The following KIF1C variants were observed in gnomAD, a reference collection of about 807,000 sequenced individuals.
KIF1C encodes the protein kinesin family member 1C.
A neutral mutation model predicts 126.5 loss-of-function variants in KIF1C; 61 were observed. The ratio of observed to expected loss-of-function variants is 0.48; its 90% CI spans 0.39 to 0.60. KIF1C has a LOEUF of 0.60. KIF1C is among the 20% of genes least tolerant of loss of function. The pLI, the probability that KIF1C is intolerant of heterozygous loss-of-function variation, is 0.00. For missense variants in KIF1C, 1,315 were observed against 1,489.2 expected (o/e 0.88, Z 1.93); for synonymous variants, 640 against 580.6 (o/e 1.10, Z -1.47).
At position 5,022,235 on chromosome 17, in the gene KIF1C, GCGCAGGGCCCC is replaced by G; in HGVS notation, c.2155_2165del (p.Arg719SerfsTer24). The G allele has an allele frequency of 6.2e-7, 1 of 1,614,186 alleles. No homozygotes were observed. Among genetic ancestry groups the G allele is most frequent in the Non-Finnish European group, 8.5e-7 (1 of 1,180,042 alleles). ...GCTGTGGTCTGCCCAGCAGTGGCAAGCGCAGGGCCCCTCGCAGGGTTTATCAGATCCCCCAG... is the reference window on the plus strand; with the variant it reads ...GCTGTGGTCTGCCCAGCAGTGGCAAGTCGCAGGGTTTATCAGATCCCCCAG... On this transcript the variant is annotated frameshift_variant, in exon 22 of 23. Transcript: ENST00000320785. LOFTEE classifies it high-confidence loss of function. This position sits in a 1 kb window ranked among gnomAD's most constrained non-coding sequence, Gnocchi z 4.9.
rs888917652 is a variant in KIF1C at position 5,000,192 on chromosome 17, C to G, written c.-27-28C>G. The G allele has an allele frequency of 5.6e-5, 75 of 1,335,026 alleles. 1 individual carries two copies. In the South Asian group the frequency reaches 9.3e-4, roughly 17 times the overall value. The allele number at this position is 1,335,026 out of a possible 1,614,324, so 82.7% of individuals were successfully genotyped here. A position where few individuals can be genotyped will look rare whatever the true frequency, so the allele number is the denominator to read the frequency against. ...GTCTGGGTCCCTGCAGTGGTTCTGACCCCACCACTCCTTTCTCTGTCCTCC... is the reference window on the plus strand; with the variant it reads ...GTCTGGGTCCCTGCAGTGGTTCTGAGCCCACCACTCCTTTCTCTGTCCTCC... On this transcript the variant is annotated intron_variant, in intron 2 of 22. Coordinates refer to ENST00000320785, the MANE Select transcript of KIF1C (RefSeq NM_006612.6).
chr17:5,008,060 A>G (rs1051927448), intron 16 of KIF1C, among the ~76,000 whole-genome samples: 17 of 152,104 alleles, frequency 1.1e-4, no homozygotes, highest in African/African-American at 3.4e-4. Flanking sequence ...GATGGACAGG[A>G]CTTGGGAAGT....
intron 16 of KIF1C, among the ~76,000 whole-genome samples, chr17:5,009,056 A>G (rs2143338278): frequency 6.6e-6 from 1 of 152,018 alleles, no homozygotes; most frequent in African/African-American, 2.4e-5. Context: ...GAACATTCTA[A>G]TAGTTCTAAA....
intron 13 of KIF1C, 52 bp downstream of exon 13, chr17:5,005,052 C>T: frequency 6.2e-7 from 1 of 1,610,462 alleles, no homozygotes; most frequent in Non-Finnish European, 8.5e-7. Flanking sequence ...CCCACCCCAT[C>T]CCTCCTCACT....
Position 5,020,801 on chromosome 17 carries a change from C to A in KIF1C, c.1938-5C>A. 1.3e-6 allele frequency: 2 copies of A among 1,596,368 alleles called. No individual in the cohort carries two copies. The highest frequency in any genetic ancestry group is 1.7e-6 in the Non-Finnish European group (2 of 1,171,046). On this transcript the variant is annotated splice_region_variant and splice_polypyrimidine_tract_variant and intron_variant, in intron 20 of 22. Transcript: ENST00000320785. The surrounding 1 kb of genome is among the most constrained non-coding windows in gnomAD (Gnocchi z 5.8). ...GCTCTTCCTTCCCTCCCTGTCCAAT[C>A]CCAGGCTGCAGGATCTGGAGAATCA...
chr17:5,018,058 G>A (rs1354364445), intron 18 of KIF1C, among the ~76,000 whole-genome samples: 1 of 152,056 alleles, frequency 6.6e-6, no homozygotes, highest in Admixed American at 6.6e-5. Context: ...ATGGTTCACT[G>A]TAGCCTCAAC....
chr17:5,024,408 G>A lies in KIF1C; in HGVS notation c.*257G>A. On this transcript the variant is annotated 3_prime_UTR_variant, in exon 23 of 23. Coordinates refer to ENST00000320785, the MANE Select transcript of KIF1C (RefSeq NM_006612.6). ...CGGGGCCACCCCTTGCAAAGGGGGT[G>A]TGTCCCACAAACGCTGCTATGGGTG... The A allele has an allele frequency of 2.5e-6, 1 of 406,090 alleles. No individual in the cohort carries two copies. Among genetic ancestry groups the A allele is most frequent in the Non-Finnish European group, 4.4e-6 (1 of 227,994 alleles). 25.2% of individuals were successfully genotyped at this position (406,090 alleles called of 1,614,324 possible).
intron 18 of KIF1C, among the ~76,000 whole-genome samples, chr17:5,018,209 G>A (rs536589768): frequency 7.2e-5 from 11 of 151,826 alleles, no homozygotes; most frequent in Non-Finnish European, 1.6e-4. Context: ...TCAAAGTCCT[G>A]AGCTCAAGCA....
chr17:5,000,193 C>T, intron 2 of KIF1C, 27 bp from the exon 3 acceptor site: 2 of 1,329,358 alleles, frequency 1.5e-6, no homozygotes, highest in Non-Finnish European at 2.1e-6. Context: ...TGGTTCTGAC[C>T]CCACCACTCC....
In KIF1C at chr17:5,023,991, A is replaced by C. The variant is rs1975152401; in HGVS notation, c.3152A>C (p.Gln1051Pro). 2 of 1,598,444 alleles carry C rather than the reference A, an allele frequency of 1.3e-6. No homozygotes were observed. Among genetic ancestry groups the C allele is most frequent in the African/African-American group, 1.3e-5 (1 of 74,398 alleles). ...RGAGSAQPEP[Q>P]HFQPKKHNSY... Reference sequence around the variant, plus strand: ...GCGGGTTCTGCACAGCCTGAACCCCAGCACTTCCAGCCCAAAAAGCACAAC... The same window carrying C: ...GCGGGTTCTGCACAGCCTGAACCCCCGCACTTCCAGCCCAAAAAGCACAAC... The change falls in exon 23 of 23, where the codon CAG (glutamine) becomes CCG (proline). Residue 1051 changes from glutamine to proline, a missense_variant. Physicochemically the swap from Gln to Pro is moderately conservative, Grantham distance 76 (BLOSUM62 -1). Coordinates refer to ENST00000320785, the MANE Select transcript of KIF1C (RefSeq NM_006612.6). The surrounding 1 kb of genome is among the most constrained non-coding windows in gnomAD (Gnocchi z 4.2).
chr17:5,012,373 G>A (rs1440023353), intron 16 of KIF1C, among the ~76,000 whole-genome samples: 4 of 152,056 alleles, frequency 2.6e-5, no homozygotes, highest in Admixed American at 6.6e-5. Context: ...AGGTGGGGGC[G>A]GGGCGGGAGG....
intron 16 of KIF1C, chr17:5,011,787 C>T (rs766026643): frequency 2.6e-5 from 4 of 152,192 alleles, no homozygotes; most frequent in South Asian, 2.1e-4. Context: ...AATAGAGGTT[C>T]GACTCCGTGC....
chr17:5,022,616 G>A lies in KIF1C; in HGVS notation c.2535G>A (p.Gln845=), dbSNP rs748458277. The change falls in exon 22 of 23, where the codon CAG becomes CAA. Residue 845 remains glutamine (Q), a synonymous_variant. Transcript: ENST00000320785. The surrounding 1 kb of genome is among the most constrained non-coding windows in gnomAD (Gnocchi z 4.9). ...AHIDKLTGIL[Q]EVKLQNSSKD... ...TCGACAAGCTGACGGGGATTCTGCA[G>A]GAGGTGAAGCTGCAGAACAGCAGCA... is the stretch of plus-strand genomic sequence containing the variant. 1.7e-5 allele frequency: 27 copies of A among 1,607,392 alleles called. No individual in the cohort carries two copies. The South Asian group carries it at 3.0e-4, about 18-fold the overall frequency.
chr17:5,004,425 G>C, intron 11 of KIF1C, 142 bp from the exon 12 acceptor site: 1 of 746,396 alleles, frequency 1.3e-6, no homozygotes, highest in Admixed American at 2.1e-5. Flanking sequence ...GTCATGGTTA[G>C]CTCCACCCCG....
rs777782427 is a variant in KIF1C, at chr17:5,023,712, G to A, written c.2873G>A (p.Arg958Gln). 9 of 1,553,210 alleles carry A rather than the reference G, an allele frequency of 5.8e-6. No individual in the cohort carries two copies. Among genetic ancestry groups the A allele is most frequent in the Middle Eastern group, 1.7e-4 (1 of 5,770 alleles). The part of the protein sequence containing the change: ...RLQGLQGSGG[R>Q]GGGLRRPPAR... ...CAGGGACTGCAGGGCTCTGGGGGCC[G>A]GGGCGGGGGGCTGCGCAGGCCCCCA... The change falls in exon 23 of 23, where the codon CGG becomes CAG. Residue 958 changes from arginine (R) to glutamine (Q), a missense_variant. Around this residue, in one of 2 missense-constraint regions of KIF1C, gnomAD observed 441 missense variants for 436.1 expected, o/e 1.01. Coordinates refer to ENST00000320785, the MANE Select transcript of KIF1C (RefSeq NM_006612.6). This position sits in a 1 kb window ranked among gnomAD's most constrained non-coding sequence, Gnocchi z 4.2.
chr17:4,998,805 G>T (rs1974473358), intron 1 of KIF1C, among the ~76,000 whole-genome samples: 1 of 152,142 alleles, frequency 6.6e-6, no homozygotes, highest in Admixed American at 6.5e-5. Context: ...ACAGGAGGGG[G>T]CTCCGCATCC....
chr17:5,022,250 C>A lies in KIF1C; in HGVS notation c.2169C>A (p.Arg723=), dbSNP rs776160265. The A allele has an allele frequency of 2.5e-6, 4 of 1,614,044 alleles. No homozygotes were observed. Among genetic ancestry groups the A allele is most frequent in the Non-Finnish European group, 3.4e-6 (4 of 1,180,042 alleles). The change falls in exon 22 of 23, where the codon CGC becomes CGA. Residue 723 remains arginine, a synonymous_variant. Coordinates refer to ENST00000320785, the MANE Select transcript of KIF1C (RefSeq NM_006612.6). The surrounding 1 kb of genome is among the most constrained non-coding windows in gnomAD (Gnocchi z 4.9). ...GCAGTGGCAAGCGCAGGGCCCCTCG[C>A]AGGGTTTATCAGATCCCCCAGCGAC... The part of the protein sequence containing the change: ...LPSSGKRRAP[R]RVYQIPQRRR...
chr17:5,003,840 T>C lies in KIF1C; in HGVS notation c.799-11T>C. On this transcript the variant is annotated splice_polypyrimidine_tract_variant and intron_variant, in intron 9 of 22. Coordinates refer to ENST00000320785, the MANE Select transcript of KIF1C (RefSeq NM_006612.6). ...GAGGGTCTCATCCCCACATTCCTCA[T>C]CCTTTTCCAGGAAGGAGCCAACATC... The C allele has an allele frequency of 1.2e-6, 2 of 1,612,242 alleles. No individual in the cohort carries two copies. Among genetic ancestry groups the C allele is most frequent in the Non-Finnish European group, 1.7e-6 (2 of 1,178,376 alleles).
intron 5 of KIF1C, 94 bp downstream of exon 5, chr17:5,001,495 A>G (rs1304366090): frequency 4.0e-6 from 5 of 1,265,026 alleles, no homozygotes; most frequent in Non-Finnish European, 5.5e-6. Flanking sequence ...TATGGAACAG[A>G]GACCTGGCTC....
Sources: gnomAD v4.1 joint callset for allele counts (sites outside exome capture counted in the v4.1 genomes callset) on GRCh38, gnomAD v4.1.1 for gene constraint, gnomAD v4.1.1 regional missense constraint, Gnocchi (gnomAD v3.1) non-coding constraint, MANE v1.5 for transcripts, NCBI Gene and HGNC (gene_info 2026-07-23, HGNC 2026-07-21) for gene names.